The following ARNT variants were observed in gnomAD, a reference collection of about 807,000 sequenced individuals.
ARNT encodes the protein class E basic helix-loop-helix protein 2.
Under a neutral mutation model 105.0 loss-of-function variants are expected in ARNT, and 30 were observed. That is an observed-to-expected ratio of 0.29 (90% CI 0.21 to 0.39). The LOEUF (loss-of-function observed/expected upper bound fraction) is 0.39. Ranked by LOEUF, ARNT falls within the 10% of genes least tolerant of loss-of-function variation. The pLI, the probability that ARNT is intolerant of heterozygous loss-of-function variation, is 1.00. For missense variants in ARNT, 748 were observed against 978.7 expected, an observed-to-expected ratio of 0.76 and a Z score of 3.15; for synonymous variants, 304 against 344.0, an observed-to-expected ratio of 0.88 and a Z score of 1.29.
intron 2 of ARNT, among the ~76,000 whole-genome samples, chr1:150,855,538 G>T (rs1016828684): frequency 2.0e-5 from 3 of 151,876 alleles, no homozygotes; most frequent in African/African-American, 7.3e-5. Flanking sequence ...CTCCAGCCTG[G>T]ACAACAAAGC....
chr1:150,821,701 T>TGCA (rs1557862517), intron 14 of ARNT, among the ~76,000 whole-genome samples: 1 of 152,044 alleles, frequency 6.6e-6, no homozygotes, highest in Non-Finnish European at 1.5e-5. Context: ...CAGGCTGGAG[T>TGCA]GCAGTGGTGC....
At chr1:150,871,971 T>G (rs1208312947) in intron 1 of ARNT, among the ~76,000 whole-genome samples, 1 of 150,926 alleles carries the variant, frequency 6.6e-6, no homozygotes, top group African/African-American at 2.4e-5. Context: ...TCTTTTTTTG[T>G]TGGGGGACAG....
At chr1:150,841,111 G>GTT (rs76764447) in intron 5 of ARNT, among the ~76,000 whole-genome samples, 14 of 140,724 alleles carry the variant, frequency 9.9e-5, no homozygotes, top group South Asian at 2.3e-4. Flanking sequence ...ACCACGCCCA[G>GTT]TTTTTTTTTT....
Position 150,811,982 on chromosome 1 carries a change from A to AT in ARNT, c.*38dup, listed in dbSNP as rs587711395. On this transcript the variant is annotated 3_prime_UTR_variant, in exon 22 of 22. Transcript: ENST00000358595. Reference sequence around the variant, plus strand: ...ATTTGCTTTTTAAAAACAAACAGTGATTTTTTCTCCCCCACCCCTTATCCT... The same window carrying AT: ...ATTTGCTTTTTAAAAACAAACAGTGATTTTTTTCTCCCCCACCCCTTATCCT... 154 of 1,395,206 alleles carry AT rather than the reference A, an allele frequency of 1.1e-4. 1 individual carries two copies. The highest frequency in any genetic ancestry group is 3.3e-4 in the South Asian group (20 of 61,114). The allele number at this position is 1,395,206 out of a possible 1,614,324, so 86.4% of individuals were successfully genotyped here.
At chr1:150,847,189 T>C (rs1198101124) in intron 3 of ARNT, among the ~76,000 whole-genome samples, 3 of 152,072 alleles carry the variant, frequency 2.0e-5, no homozygotes, top group African/African-American at 7.2e-5. Context: ...CCCAGCACTT[T>C]GGGAGGCCAA....
At chr1:150,864,883 C>CA (rs587599690) in intron 1 of ARNT, among the ~76,000 whole-genome samples, 872 of 75,654 alleles carry the variant, frequency 0.012, 9 homozygotes, top group Middle Eastern at 0.03. Context: ...TTCTTTAAAT[C>CA]AAAAAAAAAA....
rs587694435 is a variant in ARNT, at chr1:150,815,634, C to T, written c.1950+625G>A. ...CAGCACTTTGGGAGGCTGAGGTGGG[C>T]GGATCACAAGGTCAGGAGGTTGAGA... On this transcript the variant is annotated intron_variant, in intron 19 of 21. Transcript: ENST00000358595. Among the ~76,000 whole-genome samples the T allele has an allele frequency of 7.3e-5, 11 of 151,202 alleles. No homozygotes were observed. The South Asian group carries it at 2.3e-3, about 32-fold the overall frequency.
rs1327135056 is a variant in ARNT, at chr1:150,811,295, T to C, written c.*726A>G. The stretch of plus-strand genomic sequence containing the variant: ...TGGATGCAAGCGCAGCAAAGACGTT[T>C]ATTTAAATATTCTTTGGCTGCAATA... On this transcript the variant is annotated 3_prime_UTR_variant, in exon 22 of 22. Coordinates refer to ENST00000358595, the MANE Select transcript of ARNT (RefSeq NM_001668.4). 4.3e-6 allele frequency: 1 copy of C among 233,702 alleles called. No homozygotes were observed. Among genetic ancestry groups the C allele is most frequent in the Admixed American group, 5.6e-5 (1 of 17,786 alleles). 14.5% of individuals were successfully genotyped at this position (233,702 alleles called of 1,614,324 possible). A position where few individuals can be genotyped will look rare whatever the true frequency, so the allele number is the denominator to read the frequency against.
chr1:150,855,305 A>G (rs1664383768), intron 2 of ARNT, among the ~76,000 whole-genome samples: 1 of 152,102 alleles, frequency 6.6e-6, no homozygotes, highest in Non-Finnish European at 1.5e-5. Flanking sequence ...CTGTAATCCC[A>G]GCACTTTGAG....
chr1:150,865,100 T>TA (rs969111543), intron 1 of ARNT, among the ~76,000 whole-genome samples: 16 of 151,490 alleles, frequency 1.1e-4, no homozygotes, highest in Middle Eastern at 3.4e-3. Context: ...ACAAGATTAA[T>TA]AAAAAAAACA....
At chr1:150,822,267 T>C (rs587765525) in intron 14 of ARNT, among the ~76,000 whole-genome samples, 1 of 152,250 alleles carries the variant, frequency 6.6e-6, no homozygotes, top group South Asian at 2.1e-4. Flanking sequence ...GTGTGATAAG[T>C]GTCTTTTTGT....
At position 150,817,190 on chromosome 1, in the gene ARNT, C is replaced by T; in HGVS notation, c.1591G>A (p.Val531Met). 1 of 1,614,106 alleles carries T rather than the reference C, an allele frequency of 6.2e-7. No homozygotes were observed. The highest frequency in any genetic ancestry group is 1.3e-5 in the African/African-American group (1 of 75,042). ...SYNHSQVVQP[V>M]TTTGPEHSKP... ...CTGTGTTCTGGTCCTGTGGTTGTCA[C>T]AGGCTGAACCACCTGTGGAATACAA... The change falls in exon 17 of 22, where the codon GTG becomes ATG. Residue 531 changes from valine (V) to methionine (M), a missense_variant. By Grantham distance (21) the Val-to-Met change is conservative (BLOSUM62 1). Transcript: ENST00000358595.
In ARNT at chr1:150,816,395, A is replaced by G. The variant is rs776420303; in HGVS notation, c.1814T>C (p.Leu605Pro). ...CTGGACAATGGTTACAGGAGGGGCT[A>G]GGCCACTATTCCTAGGAGTGAATAA... ...RPAENFRNSG[L>P]APPVTIVQPS... The change falls in exon 19 of 22, where the codon CTA becomes CCA. Residue 605 changes from leucine to proline, a missense_variant. By Grantham distance (98) the Leu-to-Pro change is moderately conservative (BLOSUM62 -3). Transcript: ENST00000358595. 1.7e-5 allele frequency: 28 copies of G among 1,605,236 alleles called. No homozygotes were observed. The Admixed American group carries it at 4.6e-4, about 26-fold the overall frequency.
At chr1:150,866,647 A>G (rs1666634363) in intron 1 of ARNT, among the ~76,000 whole-genome samples, 1 of 152,198 alleles carries the variant, frequency 6.6e-6, no homozygotes. Flanking sequence ...ATATGGATGT[A>G]TAGTTTTGAT....
chr1:150,818,806 G>T (rs1223550522), intron 14 of ARNT, among the ~76,000 whole-genome samples: 1 of 151,960 alleles, frequency 6.6e-6, no homozygotes, highest in Non-Finnish European at 1.5e-5. Context: ...TCATGGTAGG[G>T]AAAATGATAC....
chr1:150,841,328 AAAGT>A lies in ARNT; in HGVS notation c.272+1092_272+1095del, dbSNP rs1661267841. 1.3e-5 allele frequency among the ~76,000 whole-genome samples: 2 copies of A among 151,952 alleles called. 1 individual carries two copies. The highest frequency in any genetic ancestry group is 4.1e-4 in the South Asian group (2 of 4,832). On this transcript the variant is annotated intron_variant, in intron 5 of 21. Transcript: ENST00000358595. ...AAAGTTCTTTGTCCAAAAAAAAAAGAAAGTAAGAAAATTAAAAATCTAACATAAA... is the reference window on the plus strand; with the variant it reads ...AAAGTTCTTTGTCCAAAAAAAAAAGAAAGAAAATTAAAAATCTAACATAAA...
intron 1 of ARNT, among the ~76,000 whole-genome samples, chr1:150,875,792 G>T (rs939904433): frequency 6.6e-6 from 1 of 152,170 alleles, no homozygotes; most frequent in Non-Finnish European, 1.5e-5. Flanking sequence ...AAATGGTGTG[G>T]AATCAAACTT....
chr1:150,864,357 C>A (rs587671128), intron 1 of ARNT, among the ~76,000 whole-genome samples: 1 of 151,992 alleles, frequency 6.6e-6, no homozygotes, highest in East Asian at 1.9e-4. Context: ...CTATTGGAAC[C>A]AACCCAAATG....
At chr1:150,837,962 G>C (rs1660611183) in intron 6 of ARNT, among the ~76,000 whole-genome samples, 1 of 151,956 alleles carries the variant, frequency 6.6e-6, no homozygotes, top group African/African-American at 2.4e-5. Context: ...TGATAATTCA[G>C]TTTTATCGAT....
Sources: allele counts gnomAD v4.1 joint callset (sites outside exome capture counted in the v4.1 genomes callset), GRCh38; gene constraint gnomAD v4.1.1; transcripts MANE v1.5; gene names NCBI Gene and HGNC (gene_info 2026-07-23, HGNC 2026-07-21).